TTLL2: variants seen among roughly 807,000 people sequenced by gnomAD.
TTLL2 encodes tubulin tyrosine ligase like 2.
Under a neutral mutation model 7.5 loss-of-function variants are expected in TTLL2, and 10 were observed. The ratio of observed to expected loss-of-function variants is 1.33; its 90% confidence interval spans 0.82 to 2.25. The LOEUF is 2.25. Among genes scored for constraint, TTLL2 ranks in the 30% most tolerant of loss-of-function variants. The pLI, the probability that TTLL2 is intolerant of heterozygous loss-of-function variation, is 0.00. For synonymous variants in TTLL2, 284 were observed against 280.3 expected, an observed-to-expected ratio of 1.01 and a Z score of -0.13; for missense variants, 733 against 735.7, an observed-to-expected ratio of 1.00 and a Z score of 0.04.
chr6:167,332,194 CG>C (rs1396875670), intron 1 of TTLL2, among the ~76,000 whole-genome samples: 1 of 152,094 alleles, frequency 6.6e-6, no homozygotes, highest in Admixed American at 6.5e-5. Context: ...AAGTGAGGCA[CG>C]GAAAATGGAA....
Position 167,340,530 on chromosome 6 carries a change from T to C in TTLL2, c.630T>C (p.Ile210=), listed in dbSNP as rs145050819. The part of the protein sequence containing the change: ...QMLGTKHSYW[I]CKPAELSRGR... ...TGGGCACCAAGCATAGCTATTGGAT[T>C]TGCAAGCCTGCTGAGTTATCTCGTG... Residue 210 remains isoleucine, a synonymous_variant, in exon 3 of 3, where the codon ATT becomes ATC. Transcript: ENST00000239587. 2.7e-4 allele frequency: 438 copies of C among 1,614,214 alleles called. 4 individuals are homozygous for C. The East Asian group carries it at 4.9e-3, about 18-fold the overall frequency.
Position 167,340,879 on chromosome 6 carries a change from T to C in TTLL2, c.979T>C (p.Phe327Leu), listed in dbSNP as rs754998390. ...GHGCKWTLSRFFSYLRSWDVD... is the reference protein window; with the variant it reads ...GHGCKWTLSRLFSYLRSWDVD... Reference sequence around the variant, plus strand: ...TGGTTGTAAATGGACGCTCAGCAGATTTTTTTCCTACCTTCGTAGCTGGGA... The same window carrying C: ...TGGTTGTAAATGGACGCTCAGCAGACTTTTTTCCTACCTTCGTAGCTGGGA... Residue 327 changes from phenylalanine to leucine, a missense_variant, in exon 3 of 3, where the codon TTT becomes CTT. Physicochemically the swap from Phe to Leu is conservative, Grantham distance 22. Coordinates refer to ENST00000239587, the MANE Select transcript of TTLL2 (RefSeq NM_031949.5). 16 of 1,613,886 alleles carry C rather than the reference T, an allele frequency of 9.9e-6. No individual in the cohort carries two copies. In the East Asian group the frequency reaches 3.1e-4, roughly 31 times the overall value.
At chr6:167,333,966 A>T in intron 1 of TTLL2, among the ~76,000 whole-genome samples, 3 of 71,708 alleles carry the variant, frequency 4.2e-5, no homozygotes, top group African/African-American at 6.8e-5. Context: ...GATTTTAGTT[A>T]TTTCTTGCCT....
rs1779112862 is a variant in TTLL2 at position 167,342,662 on chromosome 6, T to C, written c.*983T>C. On this transcript the variant is annotated 3_prime_UTR_variant, in exon 3 of 3. Transcript: ENST00000239587. ...GGTACATTTTGTGTTATGTGTGTTTTACCACAATAAAAAAGTTAAAAGCTG... is the reference window on the plus strand; with the variant it reads ...GGTACATTTTGTGTTATGTGTGTTTCACCACAATAAAAAAGTTAAAAGCTG... Among the ~76,000 whole-genome samples, 1 of 152,170 alleles carries C rather than the reference T, an allele frequency of 6.6e-6. No individual in the cohort carries two copies. The highest frequency in any genetic ancestry group is 1.5e-5 in the Non-Finnish European group (1 of 68,038).
intron 1 of TTLL2, among the ~76,000 whole-genome samples, chr6:167,332,615 C>G (rs1033577612): frequency 7.2e-6 from 1 of 139,846 alleles, no homozygotes; most frequent in South Asian, 2.6e-4. Flanking sequence ...CTTTTATTTC[C>G]TTGAGCAGTG....
chr6:167,326,252 C>G (rs936200311), intron 1 of TTLL2, among the ~76,000 whole-genome samples: 1 of 152,004 alleles, frequency 6.6e-6, no homozygotes, highest in Non-Finnish European at 1.5e-5. Flanking sequence ...TGATAATTAA[C>G]AGAAAAAATA....
chr6:167,342,583 A>C lies in TTLL2; in HGVS notation c.*904A>C, dbSNP rs1289999255. ...TTTGGGGTGACAGAAATGTTCTGGAACTATATAGAGGTGATGGTTGCACAA... is the reference window on the plus strand; with the variant it reads ...TTTGGGGTGACAGAAATGTTCTGGACCTATATAGAGGTGATGGTTGCACAA... On this transcript the variant is annotated 3_prime_UTR_variant, in exon 3 of 3. Transcript: ENST00000239587. Among the ~76,000 whole-genome samples, 1 of 152,086 alleles carries C rather than the reference A, an allele frequency of 6.6e-6. No individual in the cohort carries two copies. Among genetic ancestry groups the C allele is most frequent in the African/African-American group, 2.4e-5 (1 of 41,398 alleles).
At chr6:167,331,057 T>C (rs1340996225) in intron 1 of TTLL2, among the ~76,000 whole-genome samples, 2 of 152,202 alleles carry the variant, frequency 1.3e-5, no homozygotes, top group East Asian at 3.8e-4. Flanking sequence ...CCTGCACAAG[T>C]TGGCTTTCTA....
intron 1 of TTLL2, chr6:167,328,495 T>A (rs965447451): frequency 4.7e-6 from 1 of 210,736 alleles, no homozygotes; most frequent in African/African-American, 2.2e-5. Flanking sequence ...TGACATTGAC[T>A]GGTGTTCTAG....
chr6:167,338,811 G>A lies in TTLL2; in HGVS notation c.204+8G>A, dbSNP rs1384145938. The stretch of plus-strand genomic sequence containing the variant: ...CCAACACTGGAGAAGAAGGTGGGTG[G>A]GCAAGCCAGGTAGTTCCTTCCTTCC... On this transcript the variant is annotated splice_region_variant and intron_variant, in intron 2 of 2. Transcript: ENST00000239587. 1 of 1,524,428 alleles carries A rather than the reference G, an allele frequency of 6.6e-7. No homozygotes were observed. Among genetic ancestry groups the A allele is most frequent in the East Asian group, 2.5e-5 (1 of 40,782 alleles). 94.4% of individuals were successfully genotyped at this position (1,524,428 alleles called of 1,614,324 possible).
chr6:167,340,453 C>A lies in TTLL2; in HGVS notation c.553C>A (p.Pro185Thr). ...GTTCATCCCCCTGACGTTCGTCATG[C>A]CCAATGACTATACCAAGTTCGTGGC... ...YQFIPLTFVMPNDYTKFVAEY... is the reference protein window; with the variant it reads ...YQFIPLTFVMTNDYTKFVAEY... The change falls in exon 3 of 3, where the codon CCC becomes ACC. Residue 185 changes from proline to threonine, a missense_variant. Pro to Thr is a conservative substitution (Grantham distance 38). Coordinates refer to ENST00000239587, the MANE Select transcript of TTLL2 (RefSeq NM_031949.5). The A allele has an allele frequency of 1.2e-6, 2 of 1,614,132 alleles. No individual in the cohort carries two copies. Among genetic ancestry groups the A allele is most frequent in the African/African-American group, 1.3e-5 (1 of 75,002 alleles).
intron 1 of TTLL2, among the ~76,000 whole-genome samples, chr6:167,325,842 C>T (rs1300876889): frequency 6.6e-6 from 1 of 152,118 alleles, no homozygotes; most frequent in Non-Finnish European, 1.5e-5. Flanking sequence ...CTTCCATCAG[C>T]AGAAACTCAG....
chr6:167,331,405 C>T (rs2115212492), intron 1 of TTLL2, among the ~76,000 whole-genome samples: 1 of 152,252 alleles, frequency 6.6e-6, no homozygotes, highest in African/African-American at 2.4e-5. Context: ...CTCCCTATGT[C>T]CCCTCCTCCT....
In TTLL2 at chr6:167,339,216, A is replaced by G. The variant is rs76896232; in HGVS notation, c.204+413A>G. Reference sequence around the variant, plus strand: ...GTGATCAATTTTGCACGAACAATACAAATCAAAATTGCCTTAGCTTGAAAA... The same window carrying G: ...GTGATCAATTTTGCACGAACAATACGAATCAAAATTGCCTTAGCTTGAAAA... On this transcript the variant is annotated intron_variant, in intron 2 of 2. Transcript: ENST00000239587. 9.7e-3 allele frequency among the ~76,000 whole-genome samples: 1,482 copies of G among 152,298 alleles called. 28 individuals carry two copies. Among genetic ancestry groups the G allele is most frequent in the East Asian group, 0.076 (392 of 5,184 alleles).
chr6:167,341,814 G>C lies in TTLL2; in HGVS notation c.*135G>C. ...CTATGACATTGGGACTGAAGATGTG[G>C]CCATATGTATAAATATAACAGCTCT... On this transcript the variant is annotated 3_prime_UTR_variant, in exon 3 of 3. Coordinates refer to ENST00000239587, the MANE Select transcript of TTLL2 (RefSeq NM_031949.5). The C allele has an allele frequency of 2.1e-6, 2 of 952,370 alleles. No individual in the cohort carries two copies. The highest frequency in any genetic ancestry group is 2.6e-5 in the East Asian group (1 of 37,952). 59.0% of individuals were successfully genotyped at this position (952,370 alleles called of 1,614,324 possible). A position where few individuals can be genotyped will look rare whatever the true frequency, so the allele number is the denominator to read the frequency against.
intron 1 of TTLL2, among the ~76,000 whole-genome samples, chr6:167,328,870 T>C (rs1357484112): frequency 6.6e-6 from 1 of 152,104 alleles, no homozygotes; most frequent in Non-Finnish European, 1.5e-5. Flanking sequence ...GGCAGGGCTT[T>C]CCCTACCTAT....
At position 167,326,679 on chromosome 6, in the gene TTLL2, G is replaced by A. The variant is rs114916181; in HGVS notation, c.47+1459G>A. On this transcript the variant is annotated intron_variant, in intron 1 of 2. Transcript: ENST00000239587. ...GCAACCCAGGAGAGCTTTGAATGTG[G>A]CCCAACACAAATTTGTAAACTTTCT... Among the ~76,000 whole-genome samples the A allele has an allele frequency of 7.6e-3, 1,159 of 152,250 alleles. 9 individuals carry two copies. Among genetic ancestry groups the A allele is most frequent in the Middle Eastern group, 0.017 (5 of 294 alleles).
intron 1 of TTLL2, among the ~76,000 whole-genome samples, chr6:167,330,895 C>T (rs1213840378): frequency 2.6e-5 from 4 of 152,156 alleles, no homozygotes; most frequent in Non-Finnish European, 4.4e-5. Context: ...CCCGTGATCC[C>T]TTCTGCAGTG....
chr6:167,325,928 C>T (rs868127294), intron 1 of TTLL2, among the ~76,000 whole-genome samples: 17 of 152,134 alleles, frequency 1.1e-4, no homozygotes, highest in East Asian at 5.8e-4. Context: ...GAGCGGGAAG[C>T]GGGCTGTGAC....
Sources: gnomAD v4.1 joint callset for allele counts (sites outside exome capture counted in the v4.1 genomes callset) on GRCh38, gnomAD v4.1.1 for gene constraint, MANE v1.5 for transcripts, NCBI Gene and HGNC (gene_info 2026-07-23, HGNC 2026-07-21) for gene names.